Variants in BRD4 observed in about 807,000 individuals in gnomAD.
BRD4 encodes the protein bromodomain-containing protein 4.
Under a neutral mutation model 142.1 loss-of-function variants are expected in BRD4, and 16 were observed. The ratio of observed to expected loss-of-function variants is 0.11; its 90% CI spans 0.08 to 0.17. The LOEUF is 0.17. BRD4 is among the 10% of genes least tolerant of loss of function. The pLI, the probability that BRD4 is intolerant of heterozygous loss-of-function variation, is 1.00. For synonymous variants in BRD4, 833 were observed against 707.5 expected, an observed-to-expected ratio of 1.18 and a Z score of -2.82; for missense variants, 1,424 against 1,810.9, an observed-to-expected ratio of 0.79 and a Z score of 3.88.
At chr19:15,331,947 C>G (rs893594057) in intron 1 of BRD4, 1 of 140,674 alleles carries the variant, frequency 7.1e-6, no homozygotes, top group Non-Finnish European at 1.6e-5. Flanking sequence ...GCCCGCCCCC[C>G]GCCCGCCCCC....
In BRD4 at chr19:15,255,277, C is replaced by A. The variant is rs1258297367; in HGVS notation, c.2047+20G>T. 2 of 1,599,630 alleles carry A rather than the reference C, an allele frequency of 1.3e-6. No homozygotes were observed. Among genetic ancestry groups the A allele is most frequent in the Non-Finnish European group, 1.7e-6 (2 of 1,169,552 alleles). The stretch of plus-strand genomic sequence containing the variant: ...GGGTGCCCACAGAAGGAACCCCATG[C>A]CCAGGGGGCCCAAGCACACCTTGAG... On this transcript the variant is annotated intron_variant, in intron 10 of 19. Coordinates refer to ENST00000679869, the MANE Select transcript of BRD4 (RefSeq NM_001379291.1).
At position 15,263,413 on chromosome 19, in the gene BRD4, G is replaced by A. The variant is rs1364019158; in HGVS notation, c.1341+7C>T. On this transcript the variant is annotated splice_region_variant and intron_variant, in intron 7 of 19. Transcript: ENST00000679869. ...GCTGAGGGTGGCTGCGCCCTCCCAA[G>A]CCTCACCTGGAGCTTGCGGGCCATG... 1 of 1,613,458 alleles carries A rather than the reference G, an allele frequency of 6.2e-7. No individual in the cohort carries two copies. Among genetic ancestry groups the A allele is most frequent in the African/African-American group, 1.3e-5 (1 of 75,042 alleles).
intron 1 of BRD4, among the ~76,000 whole-genome samples, chr19:15,331,380 C>A (rs1001992014): frequency 3.9e-5 from 6 of 152,202 alleles, no homozygotes; most frequent in African/African-American, 1.4e-4. Flanking sequence ...CGCTGAATCA[C>A]AACTCCCCCA....
chr19:15,265,632 G>A lies in BRD4; in HGVS notation c.571C>T (p.Pro191Ser), dbSNP rs1394346817. 17 of 1,614,020 alleles carry A rather than the reference G, an allele frequency of 1.1e-5. No homozygotes were observed. The highest frequency in any genetic ancestry group is 1.4e-5 in the Non-Finnish European group (16 of 1,180,022). ...GTGTTTGGTACCGTGGAAACGCCAGGTTTTGCTGTCCCTACAAATCATAAT... is the reference window on the plus strand; with the variant it reads ...GTGTTTGGTACCGTGGAAACGCCAGATTTTGCTGTCCCTACAAATCATAAT... ...RGRKETGTAK[P>S]GVSTVPNTTQ... Residue 191 changes from proline (P) to serine (S), a missense_variant, in exon 5 of 20, where the codon CCT (proline) becomes TCT (serine). Pro to Ser is a moderately conservative substitution (Grantham distance 74). Around this residue, in one of 16 missense-constraint regions of BRD4, gnomAD observed 140 missense variants for 131.7 expected, o/e 1.06. Transcript: ENST00000679869.
rs1301560534 is a variant in BRD4, at chr19:15,272,961, G to C, written c.139C>G (p.Pro47Ala). ...TTGTTAGGGTTGGAGGTCTCTGGGG[G>C]CGGGGGGTTGGTGCTGGCTGCGTTG... ...PANAASTNPP[P>A]PETSNPNKPK... is the part of the protein sequence containing the mutation. The change falls in exon 2 of 20, where the codon CCC becomes GCC. Residue 47 changes from proline (P) to alanine (A), a missense_variant. Around this residue, in one of 16 missense-constraint regions of BRD4, gnomAD observed 70 missense variants for 69.8 expected, o/e 1.00. Transcript: ENST00000679869. The C allele has an allele frequency of 1.2e-6, 2 of 1,614,204 alleles. No individual in the cohort carries two copies. The highest frequency in any genetic ancestry group is 2.2e-5 in the South Asian group (2 of 91,084).
rs971197527 is a variant in BRD4, at chr19:15,249,609, C to T, written c.2158+4543G>A. ...ACGTGTGCCCTGCCTGAGCGCACGCCGGCATTTCCTTTACTGCCCTCAAGT... is the reference window on the plus strand; with the variant it reads ...ACGTGTGCCCTGCCTGAGCGCACGCTGGCATTTCCTTTACTGCCCTCAAGT... On this transcript the variant is annotated intron_variant, in intron 11 of 19. Transcript: ENST00000679869. Among the ~76,000 whole-genome samples, 7 of 152,164 alleles carry T rather than the reference C, an allele frequency of 4.6e-5. No individual in the cohort carries two copies. The East Asian group carries it at 7.7e-4, about 17-fold the overall frequency.
At chr19:15,315,364 A>C (rs1445707636) in intron 1 of BRD4, among the ~76,000 whole-genome samples, 3 of 152,080 alleles carry the variant, frequency 2.0e-5, no homozygotes, top group African/African-American at 7.2e-5. Context: ...TGCCTCACTC[A>C]CTGTCATGTC....
At chr19:15,287,579 T>A (rs1362202845) in intron 1 of BRD4, among the ~76,000 whole-genome samples, 1 of 151,884 alleles carries the variant, frequency 6.6e-6, no homozygotes, top group African/African-American at 2.4e-5. Flanking sequence ...ACAAACTCTG[T>A]AACCCATATA....
chr19:15,252,456 T>A (rs545018118), intron 11 of BRD4, among the ~76,000 whole-genome samples: 1 of 152,316 alleles, frequency 6.6e-6, no homozygotes, highest in South Asian at 2.1e-4. Context: ...GAAGGCAAGC[T>A]GGAGGCTTGG....
intron 1 of BRD4, among the ~76,000 whole-genome samples, chr19:15,273,775 C>T (rs1030884124): frequency 2.0e-5 from 3 of 151,284 alleles, no homozygotes; most frequent in Non-Finnish European, 4.4e-5. Flanking sequence ...ATGTTTACTG[C>T]CGATAAAATA....
chr19:15,297,718 G>A (rs2047835250), intron 1 of BRD4, among the ~76,000 whole-genome samples: 1 of 152,202 alleles, frequency 6.6e-6, no homozygotes, highest in Non-Finnish European at 1.5e-5. Flanking sequence ...ATGGAATACA[G>A]CTGTGGACTC....
chr19:15,245,543 G>A (rs935135695), intron 11 of BRD4, among the ~76,000 whole-genome samples: 7 of 152,140 alleles, frequency 4.6e-5, no homozygotes, highest in African/African-American at 1.7e-4. Context: ...ACCACAGTAG[G>A]GTGGATGGGT....
At chr19:15,306,762 T>C (rs904474137) in intron 1 of BRD4, among the ~76,000 whole-genome samples, 3 of 152,162 alleles carry the variant, frequency 2.0e-5, no homozygotes, top group Non-Finnish European at 4.4e-5. Flanking sequence ...CAAACATTTA[T>C]AGACTGAATT....
At position 15,237,790 on chromosome 19, in the gene BRD4, CACTT is replaced by C. The variant is rs768019295; in HGVS notation, c.*583_*586del. 8.6e-6 allele frequency: 2 copies of C among 233,134 alleles called. No homozygotes were observed. Among genetic ancestry groups the C allele is most frequent in the East Asian group, 6.0e-5 (1 of 16,534 alleles). 14.4% of individuals were successfully genotyped at this position (233,134 alleles called of 1,614,324 possible). The stretch of plus-strand genomic sequence containing the variant: ...CACTATTCCCTTTTGCACAAGCAAA[CACTT>C]ACAGAGAGCGGCTCTCAATTAAAGG... On this transcript the variant is annotated 3_prime_UTR_variant, in exon 20 of 20. Transcript: ENST00000679869.
rs1228557606 is a variant in BRD4 at position 15,239,322 on chromosome 19, T to G, written c.3577-58A>C. 1.9e-6 allele frequency: 3 copies of G among 1,613,376 alleles called. No individual in the cohort carries two copies. The African/African-American group carries it at 4.0e-5, about 22-fold the overall frequency. ...GTCTGCTGTGCCTAAAGGGCATAGC[T>G]GGGGGTGTGCCCAGCATGGCACCTT... On this transcript the variant is annotated intron_variant, in intron 17 of 19. Coordinates refer to ENST00000679869, the MANE Select transcript of BRD4 (RefSeq NM_001379291.1). This position sits in a 1 kb window ranked among gnomAD's most constrained non-coding sequence, Gnocchi z 7.4.
chr19:15,253,990 G>T, intron 11 of BRD4, 162 bp downstream of exon 11: 1 of 712,416 alleles, frequency 1.4e-6, no homozygotes, highest in Non-Finnish European at 2.4e-6. Context: ...GGCTATTCAT[G>T]GCCCCAGGGA....
chr19:15,280,208 G>A (rs1342795242), intron 1 of BRD4: 11 of 993,496 alleles, frequency 1.1e-5, no homozygotes, highest in East Asian at 1.6e-4. Context: ...TTGGCTGGAC[G>A]TCATTTGGAA....
At chr19:15,328,752 C>G (rs575434860) in intron 1 of BRD4, among the ~76,000 whole-genome samples, 3 of 152,160 alleles carry the variant, frequency 2.0e-5, no homozygotes, top group African/African-American at 7.2e-5. Context: ...CAAAACCCTG[C>G]CCTCATCCAA....
chr19:15,302,133 C>T (rs911488065), intron 1 of BRD4, among the ~76,000 whole-genome samples: 1 of 151,942 alleles, frequency 6.6e-6, no homozygotes, highest in African/African-American at 2.4e-5. Context: ...CGCCACTGCC[C>T]TCCAGTCTGG....
Sources: allele counts gnomAD v4.1 joint callset (sites outside exome capture counted in the v4.1 genomes callset), GRCh38; gene constraint gnomAD v4.1.1; regional missense constraint gnomAD v4.1.1; non-coding constraint Gnocchi (gnomAD v3.1); transcripts MANE v1.5; gene names NCBI Gene and HGNC (gene_info 2026-07-23, HGNC 2026-07-21).